SIRPB1: variants seen among roughly 807,000 people sequenced by gnomAD.
SIRPB1 encodes signal regulatory protein beta 1, also known as signal-regulatory protein beta-1.
In SIRPB1, 28 loss-of-function variants were observed where a neutral mutation model predicts 34.1. The observed-to-expected ratio is 0.82, with a 90% CI of 0.61 to 1.12. The LOEUF (loss-of-function observed/expected upper bound fraction) is 1.12. Among genes scored for constraint, SIRPB1 ranks in the 50% most tolerant of loss-of-function variants. The pLI is 0.00. For synonymous variants in SIRPB1, 211 were observed against 203.8 expected, an observed-to-expected ratio of 1.04 and a Z score of -0.30; for missense variants, 499 against 507.0, an observed-to-expected ratio of 0.98 and a Z score of 0.15.
chr20:1,572,088 T>C (rs1438412565), intron 2 of SIRPB1, 51 bp from the exon 3 acceptor site: 1 of 1,612,044 alleles, frequency 6.2e-7, no homozygotes, highest in South Asian at 1.1e-5. Context: ...TGACCATCAC[T>C]GATGATAAGC....
At chr20:1,616,886 A>T (rs1019849950) in intron 1 of SIRPB1, among the ~76,000 whole-genome samples, 4 of 152,158 alleles carry the variant, frequency 2.6e-5, no homozygotes, top group Non-Finnish European at 4.4e-5. Context: ...TGGGCCAAAG[A>T]TCTTAAAACC....
In SIRPB1 at chr20:1,619,970, G is replaced by A; in HGVS notation, c.-26C>T. 2 of 1,604,922 alleles carry A rather than the reference G, an allele frequency of 1.2e-6. No individual in the cohort carries two copies. The highest frequency in any genetic ancestry group is 1.7e-6 in the Non-Finnish European group (2 of 1,175,824). On this transcript the variant is annotated 5_prime_UTR_variant, in exon 1 of 6. Transcript: ENST00000381605. ...TCTGGAGACCTTAGGAGCCTGCTCT[G>A]TCCAAACGTCTGTGCTGGGAAGATC...
In SIRPB1 at chr20:1,567,001, CAG is replaced by C. The variant is rs202100457; in HGVS notation, c.1085-736_1085-735del. Among the ~76,000 whole-genome samples, 466 of 152,328 alleles carry C rather than the reference CAG, an allele frequency of 3.1e-3. 4 individuals are homozygous for C. The highest frequency in any genetic ancestry group is 0.011 in the African/African-American group (437 of 41,582). On this transcript the variant is annotated intron_variant, in intron 4 of 5. Transcript: ENST00000381605. ...TCATCTGAAATCTTTCTGTTGGACA[CAG>C]AGAGTCAGATCTACGGAAGCTCATG...
At chr20:1,567,806 C>T (rs2122169841) in intron 4 of SIRPB1, among the ~76,000 whole-genome samples, 1 of 152,310 alleles carries the variant, frequency 6.6e-6, no homozygotes, top group Admixed American at 6.5e-5. Context: ...GGCATGAACT[C>T]TTGGGAGGAA....
chr20:1,562,906 A>G lies in SIRPB1; in HGVS notation c.*2594T>C, dbSNP rs2091092068. On this transcript the variant is annotated 3_prime_UTR_variant, in exon 6 of 6. Transcript: ENST00000381605. Reference sequence around the variant, plus strand: ...AGTGAAAATGCTGCAAGTGAGGTTCAAATTGAATGTGAGTGGAATTCTAGA... The same window carrying G: ...AGTGAAAATGCTGCAAGTGAGGTTCGAATTGAATGTGAGTGGAATTCTAGA... 6.6e-6 allele frequency among the ~76,000 whole-genome samples: 1 copy of G among 152,258 alleles called. No homozygotes were observed. The highest frequency in any genetic ancestry group is 2.4e-5 in the African/African-American group (1 of 41,470).
At chr20:1,567,239 G>A (rs2091152067) in intron 4 of SIRPB1, among the ~76,000 whole-genome samples, 2 of 152,144 alleles carry the variant, frequency 1.3e-5, no homozygotes, top group African/African-American at 4.8e-5. Context: ...CCTTTGAGGA[G>A]AGCTGCACTG....
At chr20:1,570,649 T>C (rs1438281030) in intron 4 of SIRPB1, 156 bp downstream of exon 4, 1 of 635,366 alleles carries the variant, frequency 1.6e-6, no homozygotes, top group African/African-American at 1.8e-5. Context: ...CCTTGAACCT[T>C]CTAAGTAGTG....
intron 4 of SIRPB1, 143 bp downstream of exon 4, chr20:1,570,662 G>A (rs771271981): frequency 3.5e-5 from 24 of 684,092 alleles, no homozygotes; most frequent in Middle Eastern, 4.1e-4. Flanking sequence ...AAGTAGTGGT[G>A]ACCCATGGAG....
intron 1 of SIRPB1, among the ~76,000 whole-genome samples, chr20:1,617,767 T>C (rs1040666382): frequency 1.3e-5 from 2 of 152,224 alleles, no homozygotes; most frequent in Admixed American, 1.3e-4. Context: ...GTACACATAT[T>C]TCATTAATAT....
chr20:1,619,985 C>A lies in SIRPB1; in HGVS notation c.-41G>T. The A allele has an allele frequency of 6.4e-7, 1 of 1,574,556 alleles. No individual in the cohort carries two copies. On this transcript the variant is annotated 5_prime_UTR_variant, in exon 1 of 6. Transcript: ENST00000381605. Reference sequence around the variant, plus strand: ...AGCCTGCTCTGTCCAAACGTCTGTGCTGGGAAGATCGCAGACTCTGCTCTG... The same window carrying A: ...AGCCTGCTCTGTCCAAACGTCTGTGATGGGAAGATCGCAGACTCTGCTCTG...
Position 1,576,409 on chromosome 20 carries a change from C to T in SIRPB1, c.433+1929G>A, listed in dbSNP as rs1309803661. On this transcript the variant is annotated intron_variant, in intron 2 of 5. Transcript: ENST00000381605. ...TAAAGCTATGTGTCTTCTGGAGGTT[C>T]TGTTTTTTTGCCTTTCCAAATTCCA... is the stretch of plus-strand genomic sequence containing the variant. Among the ~76,000 whole-genome samples, 6 of 147,982 alleles carry T rather than the reference C, an allele frequency of 4.1e-5. 3 individuals carry two copies. Among genetic ancestry groups the T allele is most frequent in the Non-Finnish European group, 9.1e-5 (6 of 66,066 alleles).
intron 4 of SIRPB1, chr20:1,570,505 G>A (rs938342713): frequency 1.2e-5 from 3 of 251,418 alleles, no homozygotes; most frequent in East Asian, 1.9e-4. Flanking sequence ...ATAAACAAAC[G>A]GATCACCTCC....
rs1298286595 is a variant in SIRPB1, at chr20:1,571,864, T to A, written c.607A>T (p.Ser203Cys). 1 of 1,614,242 alleles carries A rather than the reference T, an allele frequency of 6.2e-7. No individual in the cohort carries two copies. ...GTGCTGTGGATGCTGTAGGACACAC[T>A]GTCTCCTGCGGGGTCCACGTTGGTC... ...FQTNVDPAGD[S>C]VSYSIHSTAR... is the part of the protein sequence containing the mutation. The change falls in exon 3 of 6, where the codon AGT becomes TGT. Residue 203 changes from serine (S) to cysteine (C), a missense_variant. Ser to Cys is a moderately radical substitution (Grantham distance 112, BLOSUM62 -1). Coordinates refer to ENST00000381605, the MANE Select transcript of SIRPB1 (RefSeq NM_006065.5).
intron 1 of SIRPB1, among the ~76,000 whole-genome samples, chr20:1,616,379 C>G (rs1218068825): frequency 6.6e-6 from 1 of 152,182 alleles, no homozygotes; most frequent in Non-Finnish European, 1.5e-5. Flanking sequence ...ACAAATGGAT[C>G]AGACCAGAGA....
In SIRPB1 at chr20:1,570,911, C is replaced by T. The variant is rs758366199; in HGVS notation, c.978G>A (p.Val326=). ...CATGCTCCACCTGACAGGTGAGCAC[C>T]ACATCGTCCCTGTGGGCACAGGTGT... The part of the protein sequence containing the change: ...LVNTCAHRDD[V]VLTCQVEHDG... The change falls in exon 4 of 6, where the codon GTG becomes GTA. Residue 326 remains valine, a synonymous_variant. Coordinates refer to ENST00000381605, the MANE Select transcript of SIRPB1 (RefSeq NM_006065.5). 7 of 1,614,070 alleles carry T rather than the reference C, an allele frequency of 4.3e-6. No individual in the cohort carries two copies. In the South Asian group the frequency reaches 7.7e-5, roughly 18 times the overall value.
chr20:1,567,104 T>TA (rs931404469), intron 4 of SIRPB1, among the ~76,000 whole-genome samples: 6 of 151,964 alleles, frequency 3.9e-5, no homozygotes, highest in Admixed American at 6.6e-5. Context: ...AAATTTTTTT[T>TA]AAAATAAAAT....
At chr20:1,619,793 G>A (rs911444673) in intron 1 of SIRPB1, 76 bp downstream of exon 1, 55 of 1,085,388 alleles carry the variant, frequency 5.1e-5, no homozygotes, top group South Asian at 4.6e-4. Flanking sequence ...GTCATTGTCC[G>A]GAATCCCTGA....
rs1242072613 is a variant in SIRPB1, at chr20:1,570,854, G to A, written c.1035C>T (p.Ala345=). The A allele has an allele frequency of 1.2e-6, 2 of 1,614,130 alleles. No individual in the cohort carries two copies. The highest frequency in any genetic ancestry group is 8.5e-7 in the Non-Finnish European group (1 of 1,180,022). ...CCTTCTGGTGCGCTGAGATCTCCAGGGCATAGCTTTTGCTGACTGCTTGCT... is the reference window on the plus strand; with the variant it reads ...CCTTCTGGTGCGCTGAGATCTCCAGAGCATAGCTTTTGCTGACTGCTTGCT... The part of the protein sequence containing the change: ...DGQQAVSKSY[A]LEISAHQKEH... Residue 345 remains alanine (A), a synonymous_variant, in exon 4 of 6, where the codon GCC becomes GCT. Coordinates refer to ENST00000381605, the MANE Select transcript of SIRPB1 (RefSeq NM_006065.5).
rs2091467512 is a variant in SIRPB1, at chr20:1,599,385, C to A, written c.76+20484G>T. 8.1e-5 allele frequency among the ~76,000 whole-genome samples: 4 copies of A among 49,382 alleles called. 2 individuals carry two copies. In the South Asian group the frequency reaches 2.9e-3, roughly 36 times the overall value. The allele number at this position is 49,382 out of a possible 152,430, so 32.4% of individuals were successfully genotyped here. A position where few individuals can be genotyped will look rare whatever the true frequency, so the allele number is the denominator to read the frequency against. The stretch of plus-strand genomic sequence containing the variant: ...TGAGACTGCGTCCTTTTGAACAAGA[C>A]AAGTCCAATTTCCCAGGGTCATAGG... On this transcript the variant is annotated intron_variant, in intron 1 of 5. Transcript: ENST00000381605.
Sources: allele counts gnomAD v4.1 joint callset (sites outside exome capture counted in the v4.1 genomes callset), GRCh38; gene constraint gnomAD v4.1.1; transcripts MANE v1.5; gene names NCBI Gene and HGNC (gene_info 2026-07-23, HGNC 2026-07-21).